SBSPON: variants seen among roughly 807,000 people sequenced by gnomAD.
SBSPON encodes the protein somatomedin B and thrombospondin type 1 domain containing.
Under a neutral mutation model 35.8 loss-of-function variants are expected in SBSPON, and 30 were observed. The observed-to-expected ratio is 0.84, with a 90% CI of 0.63 to 1.14. SBSPON has a LOEUF of 1.14. SBSPON is among the 50% of genes most tolerant of loss of function. The pLI is 0.00. For missense variants in SBSPON, 364 were observed against 357.7 expected, an observed-to-expected ratio of 1.02 and a Z score of -0.14; for synonymous variants, 136 against 135.9, an observed-to-expected ratio of 1.00 and a Z score of 0.00.
At chr8:73,069,395 C>T (rs758750377) in intron 4 of SBSPON, among the ~76,000 whole-genome samples, 3 of 152,094 alleles carry the variant, frequency 2.0e-5, no homozygotes, top group African/African-American at 4.8e-5. Context: ...AGTGATCCTC[C>T]CCAGTAGCTG....
At chr8:73,089,488 G>A (rs1220843509) in intron 1 of SBSPON, among the ~76,000 whole-genome samples, 1 of 151,880 alleles carries the variant, frequency 6.6e-6, no homozygotes, top group Non-Finnish European at 1.5e-5. Context: ...CCTGGTAGGC[G>A]GGGGTTGCAA....
At chr8:73,069,770 A>C (rs2129986558) in intron 4 of SBSPON, 35 bp downstream of exon 4, 1 of 1,565,574 alleles carries the variant, frequency 6.4e-7, no homozygotes, top group South Asian at 1.1e-5. Flanking sequence ...AGAATGAGTG[A>C]CAAGAAAAGT....
chr8:73,074,594 A>G, intron 2 of SBSPON: 2 of 983,310 alleles, frequency 2.0e-6, no homozygotes, highest in Non-Finnish European at 2.4e-6. Context: ...CTCTGTAATA[A>G]TATAGATGAC....
chr8:73,072,940 C>T (rs1810525346), intron 2 of SBSPON, among the ~76,000 whole-genome samples: 1 of 152,116 alleles, frequency 6.6e-6, no homozygotes, highest in African/African-American at 2.4e-5. Flanking sequence ...AGAATCCTTC[C>T]TCCTGTCTCT....
intron 1 of SBSPON, among the ~76,000 whole-genome samples, chr8:73,083,590 A>C (rs1810759303): frequency 1.3e-5 from 2 of 152,246 alleles, no homozygotes; most frequent in African/African-American, 4.8e-5. Context: ...TGCCTGACAC[A>C]GATTTCCTTT....
intron 2 of SBSPON, among the ~76,000 whole-genome samples, chr8:73,073,216 T>G (rs926797874): frequency 3.3e-5 from 5 of 152,246 alleles, no homozygotes; most frequent in Non-Finnish European, 7.3e-5. Context: ...CAGGCCCTAC[T>G]TCCCTGCAGT....
chr8:73,081,029 C>T lies in SBSPON; in HGVS notation c.399G>A (p.Gly133=). Residue 133 remains glycine, a synonymous_variant, in exon 2 of 5, where the codon GGG becomes GGA. Coordinates refer to ENST00000297354, the MANE Select transcript of SBSPON (RefSeq NM_153225.4). ...TGAAAACATCAGTACCATAGGTGTGCCCGCAGTCCTGGCCCTGCGGGGTGG... is the reference window on the plus strand; with the variant it reads ...TGAAAACATCAGTACCATAGGTGTGTCCGCAGTCCTGGCCCTGCGGGGTGG... ...EYSTPQGQDC[G]HTYVPAFITT... is the part of the protein sequence containing the mutation. 2 of 1,597,282 alleles carry T rather than the reference C, an allele frequency of 1.3e-6. No individual in the cohort carries two copies. Among genetic ancestry groups the T allele is most frequent in the Middle Eastern group, 1.7e-4 (1 of 5,954 alleles).
At chr8:73,082,583 A>T (rs1253613360) in intron 1 of SBSPON, among the ~76,000 whole-genome samples, 2 of 152,238 alleles carry the variant, frequency 1.3e-5, no homozygotes, top group East Asian at 1.9e-4. Flanking sequence ...AAATACCCAC[A>T]GGTATCACAT....
chr8:73,067,551 G>T, intron 4 of SBSPON, 93 bp from the exon 5 acceptor site: 1 of 657,410 alleles, frequency 1.5e-6, no homozygotes. Context: ...AAAAAAAACT[G>T]ATCACAGCCT....
chr8:73,077,184 G>C (rs1475234860), intron 2 of SBSPON, among the ~76,000 whole-genome samples: 3 of 152,206 alleles, frequency 2.0e-5, no homozygotes, highest in Admixed American at 1.3e-4. Flanking sequence ...GGGATTACAG[G>C]CATGAGCCAG....
Position 73,077,434 on chromosome 8 carries a change from T to G in SBSPON, c.409+3585A>C, listed in dbSNP as rs143480386. 6.1e-4 allele frequency among the ~76,000 whole-genome samples: 93 copies of G among 152,332 alleles called. 1 individual carries two copies. The highest frequency in any genetic ancestry group is 2.2e-3 in the African/African-American group (90 of 41,594). On this transcript the variant is annotated intron_variant, in intron 2 of 4. Transcript: ENST00000297354. ...GCAGTAACAGGGACACAGGTGACCA[T>G]GAAGCAGGATGAGAGCCTCCAGGTT... is the stretch of plus-strand genomic sequence containing the variant.
rs542920667 is a variant in SBSPON, at chr8:73,084,091, C to A, written c.215-2878G>T. Among the ~76,000 whole-genome samples, 15 of 152,332 alleles carry A rather than the reference C, an allele frequency of 9.8e-5. No individual in the cohort carries two copies. The East Asian group carries it at 2.9e-3, about 29-fold the overall frequency. ...GACAGAAAATAAAAAAAGCTAAAAG[C>A]TCTGCTGAAGGTCTGGGGGGCACCC... On this transcript the variant is annotated intron_variant, in intron 1 of 4. Transcript: ENST00000297354.
In SBSPON at chr8:73,067,334, TCACC is replaced by T; in HGVS notation, c.*3_*6del. The T allele has an allele frequency of 2.2e-6, 3 of 1,375,678 alleles. No homozygotes were observed. Among genetic ancestry groups the T allele is most frequent in the South Asian group, 1.2e-5 (1 of 86,208 alleles). 85.2% of individuals were successfully genotyped at this position (1,375,678 alleles called of 1,614,324 possible). On this transcript the variant is annotated 3_prime_UTR_variant, in exon 5 of 5. Coordinates refer to ENST00000297354, the MANE Select transcript of SBSPON (RefSeq NM_153225.4). ...ACAAATGCATTTGGAAATATTTATA[TCACC>T]ATCTATATAAAAATAAAACTGTGAA...
intron 1 of SBSPON, chr8:73,083,888 GT>G (rs1810765987): frequency 6.6e-6 from 1 of 152,238 alleles, no homozygotes; most frequent in African/African-American, 2.4e-5. Flanking sequence ...AGGAAGCTCA[GT>G]AAGCTTGCTG....
intron 3 of SBSPON, 118 bp downstream of exon 3, chr8:73,071,662 C>G: frequency 1.6e-6 from 1 of 643,076 alleles, no homozygotes; most frequent in East Asian, 2.7e-5. Context: ...CATATTTTAG[C>G]CAAAGTCAAA....
rs1367931981 is a variant in SBSPON, at chr8:73,092,950, C to T, written c.118G>A (p.Gly40Ser). Residue 40 changes from glycine (G) to serine (S), a missense_variant, in exon 1 of 5, where the codon GGC (glycine) becomes AGC (serine). Coordinates refer to ENST00000297354, the MANE Select transcript of SBSPON (RefSeq NM_153225.4). ...CCGTAGACCCTGTCCAGCCTCCAGC[C>T]GCGGGCGAAGCAGGCGGGGTCCCGG... ...PGRDPACFAR[G>S]WRLDRVYGTC... The T allele has an allele frequency of 6.2e-7, 1 of 1,604,432 alleles. No homozygotes were observed.
intron 1 of SBSPON, among the ~76,000 whole-genome samples, chr8:73,082,919 A>G (rs533194436): frequency 4.6e-5 from 7 of 152,358 alleles, no homozygotes; most frequent in Middle Eastern, 3.4e-3. Context: ...TTAATATTGC[A>G]TAAAAAGAAT....
At chr8:73,086,822 G>T (rs1273419946) in intron 1 of SBSPON, among the ~76,000 whole-genome samples, 1 of 152,162 alleles carries the variant, frequency 6.6e-6, no homozygotes, top group Non-Finnish European at 1.5e-5. Context: ...CAGGTGAGTT[G>T]CCTTCTTGTT....
intron 2 of SBSPON, among the ~76,000 whole-genome samples, chr8:73,075,264 T>C (rs1027596364): frequency 1.3e-5 from 2 of 152,196 alleles, no homozygotes; most frequent in Admixed American, 1.3e-4. Context: ...CCCAGGGCTG[T>C]CCCCAGGCCT....
Sources: allele counts gnomAD v4.1 joint callset (sites outside exome capture counted in the v4.1 genomes callset), GRCh38; gene constraint gnomAD v4.1.1; transcripts MANE v1.5; gene names NCBI Gene and HGNC (gene_info 2026-07-23, HGNC 2026-07-21).